The following UTS2 variants were observed in gnomAD, a reference collection of about 807,000 sequenced individuals.
The protein encoded by UTS2 is urotensin 2, also known as urotensin-2.
A neutral mutation model predicts 12.6 loss-of-function variants in UTS2; 10 were observed. That is an observed-to-expected ratio of 0.80 (90% CI 0.49 to 1.35). The LOEUF is 1.35. UTS2 is among the 40% of genes most tolerant of loss of function. UTS2 has a pLI of 0.00. For missense variants in UTS2, 142 were observed against 143.2 expected, an observed-to-expected ratio of 0.99 and a Z score of 0.04; for synonymous variants, 52 against 50.0, an observed-to-expected ratio of 1.04 and a Z score of -0.17.
chr1:7,887,410 G>A, the UTS2 span, among the ~76,000 whole-genome samples: 70 of 151,992 alleles, frequency 4.6e-4, no homozygotes, highest in African/African-American at 1.6e-3. Context: ...ACTAAAAGTA[G>A]GAAAGTAGGA....
At chr1:7,905,473 G>C in the UTS2 span, among the ~76,000 whole-genome samples, 2 of 148,570 alleles carry the variant, frequency 1.3e-5, no homozygotes. Context: ...TGGTGCAAAA[G>C]TAATTGCGGT....
the UTS2 span, among the ~76,000 whole-genome samples, chr1:7,888,432 T>G: frequency 2.4e-3 from 354 of 150,160 alleles, no homozygotes; most frequent in African/African-American, 7.6e-3. Flanking sequence ...TGATGCGTCA[T>G]CTGTGAGTCA....
upstream of UTS2, among the ~76,000 whole-genome samples, chr1:7,856,729 G>A (rs987674121): frequency 6.6e-6 from 1 of 152,210 alleles, no homozygotes; most frequent in Non-Finnish European, 1.5e-5. Context: ...TCGGACAGAG[G>A]ACGGAACCTA....
chr1:7,902,893 T>C, the UTS2 span, among the ~76,000 whole-genome samples: 2 of 152,134 alleles, frequency 1.3e-5, no homozygotes, highest in East Asian at 1.9e-4. Context: ...GCTCAGAGCC[T>C]TCCCTTTGAT....
At chr1:7,898,285 C>G in the UTS2 span, among the ~76,000 whole-genome samples, 1 of 152,100 alleles carries the variant, frequency 6.6e-6, no homozygotes, top group East Asian at 1.9e-4. Flanking sequence ...AAAAGGAGTA[C>G]CGCAAGCTGT....
At chr1:7,909,427 C>G in the UTS2 span, among the ~76,000 whole-genome samples, 3 of 151,314 alleles carry the variant, frequency 2.0e-5, no homozygotes, top group Non-Finnish European at 4.4e-5. Flanking sequence ...CCCCTGTAAT[C>G]CAGCTACTCA....
the UTS2 span, among the ~76,000 whole-genome samples, chr1:7,864,801 TCTC>T: frequency 6.6e-6 from 1 of 152,186 alleles, no homozygotes; most frequent in Non-Finnish European, 1.5e-5. Context: ...GTGTGCTTCT[TCTC>T]CTACTAACCT....
At chr1:7,902,104 G>A in the UTS2 span, among the ~76,000 whole-genome samples, 2 of 152,082 alleles carry the variant, frequency 1.3e-5, no homozygotes, top group Non-Finnish European at 2.9e-5. Context: ...TGTGGCTCTG[G>A]GTAGGGAGGA....
chr1:7,861,502 G>A, the UTS2 span, among the ~76,000 whole-genome samples: 1 of 152,246 alleles, frequency 6.6e-6, no homozygotes, highest in Non-Finnish European at 1.5e-5. Flanking sequence ...GCTGGAAGAC[G>A]CTCTGGCGTC....
the UTS2 span, among the ~76,000 whole-genome samples, chr1:7,906,511 A>AAAG: frequency 6.3e-5 from 3 of 47,804 alleles, no homozygotes; most frequent in East Asian, 2.6e-3. Context: ...AAGAAAGAAA[A>AAAG]GAGGGAGGGA....
the UTS2 span, among the ~76,000 whole-genome samples, chr1:7,898,189 C>T: frequency 3.3e-5 from 5 of 152,006 alleles, no homozygotes; most frequent in African/African-American, 1.2e-4. Context: ...CTAGAAACCC[C>T]AATACATGTA....
chr1:7,886,682 T>G, the UTS2 span, among the ~76,000 whole-genome samples: 1 of 152,148 alleles, frequency 6.6e-6, no homozygotes, highest in Non-Finnish European at 1.5e-5. Context: ...CTGCTTCAGT[T>G]TTCTAATTGG....
In UTS2 at chr1:7,847,777, A is replaced by T. The variant is rs1558503373; in HGVS notation, c.364T>A (p.Tyr122Asn). 1.2e-6 allele frequency: 2 copies of T among 1,611,842 alleles called. No homozygotes were observed. Among genetic ancestry groups the T allele is most frequent in the African/African-American group, 2.7e-5 (2 of 74,980 alleles). ...ATGCTTATTTCACTTCAGACACAGT[A>T]TTTCCAGAAGCAATCAGGAGTCTCA... ...KRETPDCFWK[Y>N]CV The change falls in exon 4 of 4, where the codon TAC (tyrosine) becomes AAC (asparagine). Residue 122 changes from tyrosine to asparagine, a missense_variant. Tyr to Asn is a moderately radical substitution (Grantham distance 143, BLOSUM62 -2). Coordinates refer to ENST00000361696, the MANE Select transcript of UTS2 (RefSeq NM_006786.4).
the UTS2 span, among the ~76,000 whole-genome samples, chr1:7,875,060 T>A: frequency 6.6e-6 from 1 of 151,872 alleles, no homozygotes; most frequent in East Asian, 1.9e-4. Flanking sequence ...TCTTTATTTT[T>A]TTTTTCTTTT....
At chr1:7,889,336 G>A in the UTS2 span, among the ~76,000 whole-genome samples, 1 of 150,586 alleles carries the variant, frequency 6.6e-6, no homozygotes, top group Non-Finnish European at 1.5e-5. Flanking sequence ...CCGCTACTCA[G>A]GAAGCTGAAG....
the UTS2 span, among the ~76,000 whole-genome samples, chr1:7,889,901 T>A: frequency 2.0e-5 from 3 of 151,890 alleles, no homozygotes; most frequent in African/African-American, 7.3e-5. Flanking sequence ...CCCGTCTCTA[T>A]TAAAAAATAC....
At chr1:7,891,571 A>AGAAAGAAAGAAAGAAAGAAAGAAG in the UTS2 span, among the ~76,000 whole-genome samples, 2 of 151,548 alleles carry the variant, frequency 1.3e-5, no homozygotes, top group Non-Finnish European at 2.9e-5. Context: ...AAAGAAAGAA[A>AGAAAGAAAGAAAGAAAGAAAGAAG]GAAAGAAAGA....
the UTS2 span, among the ~76,000 whole-genome samples, chr1:7,891,336 G>A: frequency 4.6e-5 from 7 of 151,938 alleles, no homozygotes; most frequent in Non-Finnish European, 1.0e-4. Flanking sequence ...GACCAGCCTG[G>A]CCAACATGGT....
chr1:7,864,324 G>C, the UTS2 span, among the ~76,000 whole-genome samples: 4 of 152,118 alleles, frequency 2.6e-5, no homozygotes, highest in South Asian at 8.3e-4. Flanking sequence ...GCTTTGTCCT[G>C]CCGGACTAAA....
Sources: gnomAD v4.1 joint callset for allele counts (sites outside exome capture counted in the v4.1 genomes callset) on GRCh38, gnomAD v4.1.1 for gene constraint, MANE v1.5 for transcripts, NCBI Gene and HGNC (gene_info 2026-07-23, HGNC 2026-07-21) for gene names.